The following SLC2A13 variants were observed in gnomAD, a reference collection of about 807,000 sequenced individuals.
SLC2A13 encodes the protein solute carrier family 2 member 13.
Under a neutral mutation model 64.4 loss-of-function variants are expected in SLC2A13, and 32 were observed. That is an observed-to-expected ratio of 0.50 (90% CI 0.37 to 0.67). The LOEUF is 0.67. Ranked by LOEUF, SLC2A13 falls within the 30% of genes least tolerant of loss-of-function variation. SLC2A13 has a pLI of 0.00. For missense variants in SLC2A13, 743 were observed against 829.2 expected, an observed-to-expected ratio of 0.90 and a Z score of 1.28; for synonymous variants, 338 against 327.1, an observed-to-expected ratio of 1.03 and a Z score of -0.36.
chr12:40,010,532 T>C (rs550538554), intron 3 of SLC2A13, among the ~76,000 whole-genome samples: 479 of 152,276 alleles, frequency 3.1e-3, no homozygotes, highest in African/African-American at 0.011. Flanking sequence ...ACAATCTCCA[T>C]AAATAATACT....
At chr12:40,039,662 C>A (rs1948052028) in intron 2 of SLC2A13, among the ~76,000 whole-genome samples, 1 of 152,172 alleles carries the variant, frequency 6.6e-6, no homozygotes, top group Non-Finnish European at 1.5e-5. Flanking sequence ...CCATTTACTG[C>A]CTCCAACTCT....
At chr12:40,070,155 GAA>G (rs373099878) in intron 1 of SLC2A13, among the ~76,000 whole-genome samples, 1 of 142,048 alleles carries the variant, frequency 7.0e-6, no homozygotes, top group African/African-American at 2.6e-5. Flanking sequence ...TCTATGGCAG[GAA>G]AAAAAAAAAA....
intron 4 of SLC2A13, among the ~76,000 whole-genome samples, chr12:39,887,882 G>A (rs566186944): frequency 6.6e-6 from 1 of 152,186 alleles, no homozygotes; most frequent in Non-Finnish European, 1.5e-5. Flanking sequence ...AGGCAGGAGT[G>A]GGAGAGAGAT....
At chr12:39,987,798 A>G (rs927791120) in intron 3 of SLC2A13, among the ~76,000 whole-genome samples, 3 of 152,112 alleles carry the variant, frequency 2.0e-5, no homozygotes, top group African/African-American at 7.2e-5. Flanking sequence ...GCTGTCATAT[A>G]CTTGTGAGTG....
At chr12:39,783,584 C>G (rs1328961238) in intron 7 of SLC2A13, among the ~76,000 whole-genome samples, 1 of 152,222 alleles carries the variant, frequency 6.6e-6, no homozygotes, top group Non-Finnish European at 1.5e-5. Context: ...GAGATGGTAT[C>G]TCATTGTGGC....
chr12:39,808,667 T>C (rs916744661), intron 7 of SLC2A13, among the ~76,000 whole-genome samples: 4 of 152,198 alleles, frequency 2.6e-5, no homozygotes, highest in African/African-American at 9.6e-5. Flanking sequence ...TTTGCATTTC[T>C]TTAATGATTA....
At chr12:39,964,216 T>G (rs1215396619) in intron 3 of SLC2A13, among the ~76,000 whole-genome samples, 2 of 152,066 alleles carry the variant, frequency 1.3e-5, no homozygotes, top group Non-Finnish European at 2.9e-5. Flanking sequence ...CTCCCTCAAC[T>G]CTCTTTTTCT....
In SLC2A13 at chr12:39,947,522, A is replaced by G. The variant is rs567165181; in HGVS notation, c.1034+3735T>C. On this transcript the variant is annotated intron_variant, in intron 4 of 9. Transcript: ENST00000280871. Reference sequence around the variant, plus strand: ...CCTTTCCTCCTCCAAACATGAACACATGTATTTAGGTTGTGGTAATGATAA... The same window carrying G: ...CCTTTCCTCCTCCAAACATGAACACGTGTATTTAGGTTGTGGTAATGATAA... Among the ~76,000 whole-genome samples, 7 of 152,216 alleles carry G rather than the reference A, an allele frequency of 4.6e-5. No homozygotes were observed. The South Asian group carries it at 6.2e-4, about 14-fold the overall frequency.
At chr12:39,925,274 C>A (rs1251888003) in intron 4 of SLC2A13, among the ~76,000 whole-genome samples, 1 of 152,014 alleles carries the variant, frequency 6.6e-6, no homozygotes, top group East Asian at 1.9e-4. Flanking sequence ...GCTCAGGGAT[C>A]CTCCTGCCTC....
At chr12:39,849,066 T>C (rs1296568614) in intron 6 of SLC2A13, among the ~76,000 whole-genome samples, 2 of 152,034 alleles carry the variant, frequency 1.3e-5, no homozygotes, top group African/African-American at 2.4e-5. Context: ...AAGATAACTA[T>C]TGGGTACTGA....
Position 39,951,280 on chromosome 12 carries a change from C to G in SLC2A13, c.1011G>C (p.Gln337His). 2.5e-6 allele frequency: 4 copies of G among 1,613,436 alleles called. No homozygotes were observed. The highest frequency in any genetic ancestry group is 3.4e-6 in the Non-Finnish European group (4 of 1,179,670). The change falls in exon 4 of 10, where the codon CAG (glutamine) becomes CAC (histidine). Residue 337 changes from glutamine (Q) to histidine (H), a missense_variant. Around this residue, in one of 2 missense-constraint regions of SLC2A13, gnomAD observed 295 missense variants for 381.7 expected, o/e 0.77. Coordinates refer to ENST00000280871, the MANE Select transcript of SLC2A13 (RefSeq NM_052885.4). The stretch of plus-strand genomic sequence containing the variant: ...ACATGATGGTGTTAATGCCTGAGAG[C>G]TGCTGGAACATTTGTAGGCCACAAC... Reference protein sequence around the residue: ...IVGCGLQMFQQLSGINTIMYY... With the variant: ...IVGCGLQMFQHLSGINTIMYY...
chr12:39,791,052 C>G (rs1334102835), intron 7 of SLC2A13, among the ~76,000 whole-genome samples: 10 of 134,852 alleles, frequency 7.4e-5, no homozygotes, highest in African/African-American at 2.8e-4. Context: ...CCTTTGCCCA[C>G]TTTTTGATGG....
chr12:40,046,700 C>G (rs1948176572), intron 2 of SLC2A13, among the ~76,000 whole-genome samples: 1 of 151,718 alleles, frequency 6.6e-6, no homozygotes, highest in African/African-American at 2.4e-5. Flanking sequence ...ACACAACAAC[C>G]GTTTTTAAAA....
At chr12:40,094,752 G>A (rs897623033) in intron 1 of SLC2A13, among the ~76,000 whole-genome samples, 14 of 152,306 alleles carry the variant, frequency 9.2e-5, no homozygotes, top group African/African-American at 3.4e-4. Context: ...AGATAAAGTG[G>A]GGCAGAAACA....
chr12:40,028,125 G>A (rs145706588), intron 3 of SLC2A13, among the ~76,000 whole-genome samples, 176 bp downstream of exon 3: 1 of 151,036 alleles, frequency 6.6e-6, no homozygotes, highest in Non-Finnish European at 1.5e-5. Flanking sequence ...GAATATGGAA[G>A]GTCAATAATA....
chr12:40,102,618 ACATTTTGTTATT>A (rs1483437641), intron 1 of SLC2A13, among the ~76,000 whole-genome samples: 3 of 152,214 alleles, frequency 2.0e-5, no homozygotes, highest in Non-Finnish European at 2.9e-5. Flanking sequence ...ATCAAAAGCC[ACATTTTGTTATT>A]CATCAACATT....
At position 40,028,222 on chromosome 12, in the gene SLC2A13, T is replaced by TAC. The variant is rs551073189; in HGVS notation, c.925+77_925+78dup. ...ATACCCATATATTAAAAATATATTA[T>TAC]ACACACACGCACACAAAATAATGAC... On this transcript the variant is annotated intron_variant, in intron 3 of 9. Coordinates refer to ENST00000280871, the MANE Select transcript of SLC2A13 (RefSeq NM_052885.4). 4.0e-5 allele frequency: 35 copies of TAC among 872,638 alleles called. 1 individual carries two copies. In the South Asian group the frequency reaches 7.3e-4, roughly 18 times the overall value. The allele number at this position is 872,638 out of a possible 1,614,324, so 54.1% of individuals were successfully genotyped here.
At chr12:40,062,487 A>G (rs1325230589) in intron 1 of SLC2A13, among the ~76,000 whole-genome samples, 1 of 152,148 alleles carries the variant, frequency 6.6e-6, no homozygotes, top group Admixed American at 6.6e-5. Context: ...CAGAAAAAAA[A>G]GCATATATAT....
At chr12:39,883,583 GT>G (rs779350689) in intron 4 of SLC2A13, among the ~76,000 whole-genome samples, 5 of 152,112 alleles carry the variant, frequency 3.3e-5, no homozygotes, top group Non-Finnish European at 5.9e-5. Flanking sequence ...AAAAGGGCAG[GT>G]CATGGCATTT....
Sources: allele counts gnomAD v4.1 joint callset (sites outside exome capture counted in the v4.1 genomes callset), GRCh38; gene constraint gnomAD v4.1.1; regional missense constraint gnomAD v4.1.1; transcripts MANE v1.5; gene names NCBI Gene and HGNC (gene_info 2026-07-23, HGNC 2026-07-21).